PPM1B: variants seen among roughly 807,000 people sequenced by gnomAD.
The protein encoded by PPM1B is protein phosphatase, Mg2+/Mn2+ dependent 1B, also known as protein phosphatase 1B.
A neutral mutation model predicts 43.0 loss-of-function variants in PPM1B; 22 were observed. That is an observed-to-expected ratio of 0.51 (90% CI 0.37 to 0.73). The LOEUF (loss-of-function observed/expected upper bound fraction) is 0.73. Ranked by LOEUF, PPM1B falls within the 30% of genes least tolerant of loss-of-function variation. The probability of loss-of-function intolerance (pLI) is 0.00; values close to 1 mark genes in which losing one functional copy is unlikely to be tolerated. For synonymous variants in PPM1B, 217 were observed against 197.9 expected, an observed-to-expected ratio of 1.10 and a Z score of -0.81; for missense variants, 632 against 584.2, an observed-to-expected ratio of 1.08 and a Z score of -0.84.
At chr2:44,180,635 G>A (rs1203708862) in intron 1 of PPM1B, among the ~76,000 whole-genome samples, 3 of 151,604 alleles carry the variant, frequency 2.0e-5, no homozygotes. Flanking sequence ...TTTTGAGATG[G>A]TGTCTCACTC....
rs542801168 is a variant in PPM1B, at chr2:44,224,946, C to G, written c.1135-5467C>G. Among the ~76,000 whole-genome samples, 7 of 152,180 alleles carry G rather than the reference C, an allele frequency of 4.6e-5. No individual in the cohort carries two copies. In the East Asian group the frequency reaches 1.4e-3, roughly 29 times the overall value. On this transcript the variant is annotated intron_variant, in intron 5 of 5. Transcript: ENST00000282412. ...AGAGTCTTACCTGTATGAGGTACTT[C>G]CTATGCAAAAAAGGTCACTCGCCAT...
At chr2:44,181,290 G>C (rs1024495298) in intron 1 of PPM1B, among the ~76,000 whole-genome samples, 1 of 152,154 alleles carries the variant, frequency 6.6e-6, no homozygotes, top group African/African-American at 2.4e-5. Context: ...GATTTGGCTA[G>C]CTAAATAAAG....
intron 1 of PPM1B, among the ~76,000 whole-genome samples, chr2:44,179,665 G>C (rs1667767641): frequency 6.6e-6 from 1 of 152,134 alleles, no homozygotes; most frequent in Non-Finnish European, 1.5e-5. Flanking sequence ...TTAGATATTA[G>C]ATATTAGATT....
At chr2:44,221,272 G>T (rs998812178) in intron 5 of PPM1B, among the ~76,000 whole-genome samples, 12 of 152,272 alleles carry the variant, frequency 7.9e-5, no homozygotes, top group African/African-American at 2.9e-4. Context: ...AATTTTAAAT[G>T]GGGAAATATT....
At chr2:44,218,643 G>T in intron 5 of PPM1B, 106 bp downstream of exon 5, 1 of 740,480 alleles carries the variant, frequency 1.4e-6, no homozygotes, top group Non-Finnish European at 2.2e-6. Context: ...ATAGTCTGTA[G>T]TAAATTACTA....
chr2:44,233,334 CTT>C (rs1368581009), downstream of PPM1B: 12 of 981,054 alleles, frequency 1.2e-5, no homozygotes, highest in Non-Finnish European at 1.5e-5. Context: ...GGTTCAGTAA[CTT>C]TTCATTTTAT....
At chr2:44,200,248 A>G (rs540351914) in intron 1 of PPM1B, among the ~76,000 whole-genome samples, 1 of 152,350 alleles carries the variant, frequency 6.6e-6, no homozygotes, top group African/African-American at 2.4e-5. Context: ...TCACCTAGTT[A>G]GAGTGTAGGG....
chr2:44,243,621 C>G (rs1323053942), intron 5 of PPM1B, among the ~76,000 whole-genome samples: 1 of 152,072 alleles, frequency 6.6e-6, no homozygotes, highest in Admixed American at 6.6e-5. Flanking sequence ...ATAAGCCAAT[C>G]TTTTCTCATT....
At chr2:44,234,223 A>T (rs1244161033), downstream of PPM1B, 1 of 979,628 alleles carries the variant, frequency 1.0e-6, no homozygotes, top group Non-Finnish European at 1.2e-6. Flanking sequence ...TACTCCTTTT[A>T]AAAAAACCTG....
At chr2:44,180,911 ATGG>A (rs1667843923) in intron 1 of PPM1B, among the ~76,000 whole-genome samples, 1 of 151,932 alleles carries the variant, frequency 6.6e-6, no homozygotes, top group African/African-American at 2.4e-5. Context: ...GAGTGGTGAG[ATGG>A]TGGTAGGAAG....
At chr2:44,218,628 A>T in intron 5 of PPM1B, 91 bp downstream of exon 5, 13 of 876,966 alleles carry the variant, frequency 1.5e-5, no homozygotes, top group South Asian at 3.3e-5. Context: ...AGTCTATAAT[A>T]AATTATAGTC....
chr2:44,245,946 G>C (rs1670846251), downstream of PPM1B, among the ~76,000 whole-genome samples: 2 of 152,184 alleles, frequency 1.3e-5, no homozygotes, highest in Admixed American at 6.5e-5. Flanking sequence ...TGAATTATCT[G>C]TTTAAATTAG....
At chr2:44,188,529 T>C (rs1172972470) in intron 1 of PPM1B, among the ~76,000 whole-genome samples, 2 of 151,746 alleles carry the variant, frequency 1.3e-5, no homozygotes, top group Non-Finnish European at 2.9e-5. Flanking sequence ...CTGAATTGGC[T>C]GGGATCACAG....
chr2:44,199,451 A>G (rs755094419), intron 1 of PPM1B, among the ~76,000 whole-genome samples: 3 of 152,156 alleles, frequency 2.0e-5, no homozygotes, highest in Non-Finnish European at 2.9e-5. Context: ...GCACCATTCA[A>G]CAGAGTGAGA....
At chr2:44,207,701 G>T (rs148927101) in intron 2 of PPM1B, among the ~76,000 whole-genome samples, 1 of 151,434 alleles carries the variant, frequency 6.6e-6, no homozygotes, top group South Asian at 2.1e-4. Flanking sequence ...TTAGCCTCCC[G>T]AGTAGCTGGG....
chr2:44,233,363 CAG>C (rs1670523316), downstream of PPM1B: 1 of 984,020 alleles, frequency 1.0e-6, no homozygotes, highest in Non-Finnish European at 1.2e-6. Context: ...GGGCACGGTA[CAG>C]AGTGATTGTC....
At chr2:44,224,431 GGTGACAGA>G (rs1403176355) in intron 5 of PPM1B, among the ~76,000 whole-genome samples, 3 of 148,602 alleles carry the variant, frequency 2.0e-5, no homozygotes, top group Non-Finnish European at 3.0e-5. Context: ...CTCCAGCCTG[GGTGACAGA>G]GCAAGACTCC....
At chr2:44,195,963 C>A (rs1668642576) in intron 1 of PPM1B, among the ~76,000 whole-genome samples, 1 of 152,186 alleles carries the variant, frequency 6.6e-6, no homozygotes, top group African/African-American at 2.4e-5. Flanking sequence ...GCCAGCATCC[C>A]TCATCAGCTG....
intron 3 of PPM1B, among the ~76,000 whole-genome samples, chr2:44,213,495 T>C (rs550305842): frequency 2.6e-5 from 4 of 152,112 alleles, no homozygotes; most frequent in African/African-American, 9.7e-5. Context: ...GGTGAGAGTT[T>C]TGAAGTGTGA....
Sources: gnomAD v4.1 joint callset for allele counts (sites outside exome capture counted in the v4.1 genomes callset) on GRCh38, gnomAD v4.1.1 for gene constraint, MANE v1.5 for transcripts, NCBI Gene and HGNC (gene_info 2026-07-23, HGNC 2026-07-21) for gene names.